The following NOC2L variants were observed in gnomAD, a reference collection of about 807,000 sequenced individuals.
NOC2L encodes the protein nucleolar complex protein 2 homolog.
A neutral mutation model predicts 94.2 loss-of-function variants in NOC2L; 101 were observed. The observed-to-expected ratio is 1.07, with a 90% CI of 0.91 to 1.26. NOC2L has a LOEUF of 1.26. Ranked by LOEUF, NOC2L falls within the 50% of genes most tolerant of loss-of-function variation. The pLI is 0.00. For missense variants in NOC2L, 1,076 were observed against 980.1 expected (o/e 1.10, Z -1.31); for synonymous variants, 531 against 413.4 (o/e 1.28, Z -3.45).
At chr1:947,508 C>G (rs561600445) in intron 14 of NOC2L, among the ~76,000 whole-genome samples, 32 of 152,334 alleles carry the variant, frequency 2.1e-4, no homozygotes, top group African/African-American at 3.1e-4. Context: ...CAGGGCCAGA[C>G]AGCAGGGCCC....
Position 951,036 on chromosome 1 carries a change from C to T in NOC2L, c.1443+91G>A, listed in dbSNP as rs563739974. 8.3e-4 allele frequency: 836 copies of T among 1,002,894 alleles called. 3 individuals carry two copies. The highest frequency in any genetic ancestry group is 7.1e-3 in the African/African-American group (442 of 62,404). 62.1% of individuals were successfully genotyped at this position (1,002,894 alleles called of 1,614,324 possible). A position where few individuals can be genotyped will look rare whatever the true frequency, so the allele number is the denominator to read the frequency against. On this transcript the variant is annotated intron_variant, in intron 12 of 18. Transcript: ENST00000327044. ...GGAGGCGGCCAGGGCTCCGGGAAGT[C>T]GCCGGACAACTCAGCACAGACGCCC...
At chr1:950,995 G>GT (rs1291336377) in intron 12 of NOC2L, 132 bp downstream of exon 12, 1 of 716,186 alleles carries the variant, frequency 1.4e-6, no homozygotes, top group East Asian at 2.7e-5. Flanking sequence ...CACTGTCCTC[G>GT]TGACACCCGT....
chr1:954,740 T>C (rs1642357280), intron 6 of NOC2L, among the ~76,000 whole-genome samples: 1 of 150,948 alleles, frequency 6.6e-6, no homozygotes, highest in South Asian at 2.1e-4. Context: ...GGTGAGAGAA[T>C]CACTTGAATC....
At chr1:949,374 G>A (rs1195463740) in intron 12 of NOC2L, among the ~76,000 whole-genome samples, 1 of 152,212 alleles carries the variant, frequency 6.6e-6, no homozygotes, top group Non-Finnish European at 1.5e-5. Context: ...AGGTCCAGAT[G>A]GGAAAACGCC....
At position 956,069 on chromosome 1, in the gene NOC2L, G is replaced by C. The variant is rs201869121; in HGVS notation, c.607+26C>G. 1.2e-4 allele frequency: 186 copies of C among 1,614,094 alleles called. 1 individual carries two copies. In the Admixed American group the frequency reaches 3.1e-3, roughly 27 times the overall value. On this transcript the variant is annotated intron_variant, in intron 5 of 18. Coordinates refer to ENST00000327044, the MANE Select transcript of NOC2L (RefSeq NM_015658.4). ...GGACAGAGAACGCAACAGACAGCCTGGATGCCAGGCTCCCCCCAAGCTCAC... is the reference window on the plus strand; with the variant it reads ...GGACAGAGAACGCAACAGACAGCCTCGATGCCAGGCTCCCCCCAAGCTCAC...
intron 14 of NOC2L, among the ~76,000 whole-genome samples, chr1:947,369 C>G (rs1257328194): frequency 1.3e-5 from 2 of 152,278 alleles, no homozygotes; most frequent in African/African-American, 4.8e-5. Flanking sequence ...CATGTGTGGC[C>G]GTGTGTGAGT....
rs1169166328 is a variant in NOC2L, at chr1:956,155, T to C, written c.547A>G (p.Thr183Ala). ...VVQAFRAAVATTRGDQESAEA... is the reference protein window; with the variant it reads ...VVQAFRAAVAATRGDQESAEA... ...GCACTTTCCTGGTCCCCTCGGGTGG[T>C]GGCCACAGCTGCTCGGAACGCCTGT... The change falls in exon 5 of 19, where the codon ACC (threonine) becomes GCC (alanine). Residue 183 changes from threonine to alanine, a missense_variant. Around this residue, in one of 3 missense-constraint regions of NOC2L, gnomAD observed 457 missense variants for 386.0 expected, o/e 1.18. Coordinates refer to ENST00000327044, the MANE Select transcript of NOC2L (RefSeq NM_015658.4). 4 of 1,613,882 alleles carry C rather than the reference T, an allele frequency of 2.5e-6. No homozygotes were observed. The highest frequency in any genetic ancestry group is 1.6e-4 in the Middle Eastern group (1 of 6,062).
chr1:957,866 C>T (rs1373826521), intron 2 of NOC2L: 1 of 157,022 alleles, frequency 6.4e-6, no homozygotes, highest in Admixed American at 6.1e-5. Context: ...CCCTTCTGGG[C>T]TCATCTACCC....
chr1:953,666 G>A (rs964915717), intron 8 of NOC2L, 116 bp downstream of exon 8: 81 of 772,498 alleles, frequency 1.0e-4, no homozygotes, highest in Non-Finnish European at 1.4e-4. Flanking sequence ...CTAGCCAAGC[G>A]GAGCCAGTGG....
Position 955,835 on chromosome 1 carries a change from C to T in NOC2L, c.698+88G>A. On this transcript the variant is annotated intron_variant, in intron 6 of 18. Coordinates refer to ENST00000327044, the MANE Select transcript of NOC2L (RefSeq NM_015658.4). ...AGACGCTGGCTCTGTTGCCATGTCT[C>T]TGTCCTAGCCACAAGGCCTCTGGCT... 6 of 1,135,240 alleles carry T rather than the reference C, an allele frequency of 5.3e-6. No individual in the cohort carries two copies. The South Asian group carries it at 6.6e-5, about 12-fold the overall frequency. 70.3% of individuals were successfully genotyped at this position (1,135,240 alleles called of 1,614,324 possible).
rs1209127673 is a variant in NOC2L at position 951,069 on chromosome 1, C to T, written c.1443+58G>A. The T allele has an allele frequency of 8.3e-6, 11 of 1,319,742 alleles. No individual in the cohort carries two copies. The East Asian group carries it at 1.5e-4, about 18-fold the overall frequency. The allele number at this position is 1,319,742 out of a possible 1,614,324, so 81.8% of individuals were successfully genotyped here. A position where few individuals can be genotyped will look rare whatever the true frequency, so the allele number is the denominator to read the frequency against. On this transcript the variant is annotated intron_variant, in intron 12 of 18. Coordinates refer to ENST00000327044, the MANE Select transcript of NOC2L (RefSeq NM_015658.4). ...AACTCAGCACAGACGCCCGGAGCAG[C>T]AGATGCTCCCTACAGGAGCAGGCAG...
intron 14 of NOC2L, among the ~76,000 whole-genome samples, chr1:947,544 T>TC (rs1642146583): frequency 6.6e-6 from 1 of 152,114 alleles, no homozygotes; most frequent in African/African-American, 2.4e-5. Context: ...GGCACAGGCC[T>TC]CCCTGAGGCT....
At chr1:958,811 G>T (rs553150534) in intron 2 of NOC2L, 118 bp downstream of exon 2, 5 of 994,792 alleles carry the variant, frequency 5.0e-6, no homozygotes, top group South Asian at 1.3e-5. Flanking sequence ...TGAAAGGACT[G>T]GGGGGCAGAG....
At chr1:946,622 CACGCGTGGTGGCCA>C in intron 14 of NOC2L, 77 bp from the exon 15 acceptor site, 2 of 1,548,164 alleles carry the variant, frequency 1.3e-6, no homozygotes, top group South Asian at 2.4e-5. Flanking sequence ...TGTGCAAAAC[CACGCGTGGTGGCCA>C]CGGGGATACC....
rs751376082 is a variant in NOC2L, at chr1:957,237, C to G, written c.216G>C (p.Gln72His). The G allele has an allele frequency of 6.2e-7, 1 of 1,613,874 alleles. No individual in the cohort carries two copies. The highest frequency in any genetic ancestry group is 8.5e-7 in the Non-Finnish European group (1 of 1,180,032). ...RKGRASEHKD[Q>H]LSRLKDRDPE... ...GGTCTCTGTCCTTCAGCCGAGAGAG[C>G]TGGTCTTTGTGCTCAGAGGCACGGC... is the stretch of plus-strand genomic sequence containing the variant. The change falls in exon 3 of 19, where the codon CAG becomes CAC. Residue 72 changes from glutamine to histidine, a missense_variant. Coordinates refer to ENST00000327044, the MANE Select transcript of NOC2L (RefSeq NM_015658.4).
At chr1:955,451 C>T (rs181211952) in intron 6 of NOC2L, among the ~76,000 whole-genome samples, 1 of 152,358 alleles carries the variant, frequency 6.6e-6, no homozygotes. Context: ...TGAAAACCTT[C>T]CACGGCCTTC....
intron 13 of NOC2L, 42 bp from the exon 14 acceptor site, chr1:948,274 T>C: frequency 6.7e-7 from 1 of 1,496,162 alleles, no homozygotes; most frequent in Non-Finnish European, 9.1e-7. Context: ...AGGGAGAGGC[T>C]GGGGCTGGGC....
chr1:947,329 A>T (rs760784205), intron 14 of NOC2L, among the ~76,000 whole-genome samples: 3 of 152,202 alleles, frequency 2.0e-5, no homozygotes, highest in Non-Finnish European at 4.4e-5. Flanking sequence ...AGTGCCCCCC[A>T]GAAAGGGGGT....
intron 17 of NOC2L, 146 bp from the exon 18 acceptor site, chr1:945,292 T>A: frequency 8.9e-7 from 1 of 1,123,236 alleles, no homozygotes; most frequent in Non-Finnish European, 1.3e-6. Flanking sequence ...GGGGAGGAAC[T>A]GGGAGGTCAC....
Sources: gnomAD v4.1 joint callset for allele counts (sites outside exome capture counted in the v4.1 genomes callset) on GRCh38, gnomAD v4.1.1 for gene constraint, gnomAD v4.1.1 regional missense constraint, MANE v1.5 for transcripts, NCBI Gene and HGNC (gene_info 2026-07-23, HGNC 2026-07-21) for gene names.